DAZAP1: variants seen among roughly 807,000 people sequenced by gnomAD.
DAZAP1 encodes the protein DAZ-associated protein 1.
Under a neutral mutation model 60.1 loss-of-function variants are expected in DAZAP1, and 6 were observed. The observed-to-expected ratio is 0.10, with a 90% CI of 0.05 to 0.20. DAZAP1 has a LOEUF of 0.20. Among genes scored for constraint, DAZAP1 ranks in the 10% least tolerant of loss-of-function variants. The probability of loss-of-function intolerance (pLI) is 1.00; values close to 1 mark genes in which losing one functional copy is unlikely to be tolerated. For synonymous variants in DAZAP1, 235 were observed against 215.9 expected, an observed-to-expected ratio of 1.09 and a Z score of -0.78; for missense variants, 366 against 560.4, an observed-to-expected ratio of 0.65 and a Z score of 3.50.
At position 1,434,963 on chromosome 19, in the gene DAZAP1, T is replaced by C; in HGVS notation, c.*51T>C. ...GCCCAGACCCAGGATTCCAAACTTGTGAACTCGTGACAATCACAAACTTGG... is the reference window on the plus strand; with the variant it reads ...GCCCAGACCCAGGATTCCAAACTTGCGAACTCGTGACAATCACAAACTTGG... On this transcript the variant is annotated 3_prime_UTR_variant, in exon 12 of 12. Coordinates refer to ENST00000233078, the MANE Select transcript of DAZAP1 (RefSeq NM_018959.4). The surrounding 1 kb of genome is among the most constrained non-coding windows in gnomAD (Gnocchi z 8.0). 1 of 1,027,416 alleles carries C rather than the reference T, an allele frequency of 9.7e-7. No individual in the cohort carries two copies. The highest frequency in any genetic ancestry group is 3.4e-5 in the South Asian group (1 of 29,764). 63.6% of individuals were successfully genotyped at this position (1,027,416 alleles called of 1,614,324 possible).
intron 10 of DAZAP1, among the ~76,000 whole-genome samples, chr19:1,431,574 C>T (rs112824761): frequency 1.3e-5 from 2 of 152,084 alleles, no homozygotes; most frequent in Non-Finnish European, 2.9e-5. Context: ...GGATTACAGG[C>T]GTCTGCCACC....
chr19:1,431,968 C>T (rs2083463484), intron 10 of DAZAP1: 6 of 159,204 alleles, frequency 3.8e-5, no homozygotes, highest in Admixed American at 2.4e-4. Flanking sequence ...GTTCCATCCT[C>T]TGGCCTGGAT....
chr19:1,428,478 T>G lies in DAZAP1; in HGVS notation c.547-364T>G. The G allele has an allele frequency of 1.0e-5, 2 of 198,370 alleles. No homozygotes were observed. The highest frequency in any genetic ancestry group is 1.6e-4 in the East Asian group (1 of 6,434). The allele number at this position is 198,370 out of a possible 1,614,324, so 12.3% of individuals were successfully genotyped here. On this transcript the variant is annotated intron_variant, in intron 7 of 11. Coordinates refer to ENST00000233078, the MANE Select transcript of DAZAP1 (RefSeq NM_018959.4). The surrounding 1 kb of genome is among the most constrained non-coding windows in gnomAD (Gnocchi z 4.0). ...GATTGCTGGGAAGATCCTGGTCCCTTTTTGTCCCCATGTTTTCAAGAGGAA... is the reference window on the plus strand; with the variant it reads ...GATTGCTGGGAAGATCCTGGTCCCTGTTTGTCCCCATGTTTTCAAGAGGAA...
rs142092328 is a variant in DAZAP1 at position 1,412,679 on chromosome 19, G to A, written c.30-4821G>A. On this transcript the variant is annotated intron_variant, in intron 1 of 11. Coordinates refer to ENST00000233078, the MANE Select transcript of DAZAP1 (RefSeq NM_018959.4). ...GGAAGCCTCTGCAGATGGACTTTACGCATAAATACCGCACAGGCACCCGAA... is the reference window on the plus strand; with the variant it reads ...GGAAGCCTCTGCAGATGGACTTTACACATAAATACCGCACAGGCACCCGAA... 2.3e-3 allele frequency among the ~76,000 whole-genome samples: 345 copies of A among 152,318 alleles called. 4 individuals are homozygous for A. The highest frequency in any genetic ancestry group is 8.0e-3 in the African/African-American group (334 of 41,566).
Position 1,426,951 on chromosome 19 carries a change from A to C in DAZAP1, c.546+991A>C, listed in dbSNP as rs1411034349. On this transcript the variant is annotated intron_variant, in intron 7 of 11. Transcript: ENST00000233078. This position sits in a 1 kb window ranked among gnomAD's most constrained non-coding sequence, Gnocchi z 5.4. The stretch of plus-strand genomic sequence containing the variant: ...TCCTGGAGGGAGCATCGTGCTCATT[A>C]TCTCCTGCCCCTGCCCTCTACCCCA... 3.3e-5 allele frequency: 5 copies of C among 152,236 alleles called. No individual in the cohort carries two copies. The highest frequency in any genetic ancestry group is 1.2e-4 in the African/African-American group (5 of 41,446). 9.4% of individuals were successfully genotyped at this position (152,236 alleles called of 1,614,324 possible).
rs986056285 is a variant in DAZAP1 at position 1,428,332 on chromosome 19, T to C, written c.547-510T>C. On this transcript the variant is annotated intron_variant, in intron 7 of 11. Coordinates refer to ENST00000233078, the MANE Select transcript of DAZAP1 (RefSeq NM_018959.4). This position sits in a 1 kb window ranked among gnomAD's most constrained non-coding sequence, Gnocchi z 4.0. ...CGTTAGCCTGGGGAAGGTAAGTCTT[T>C]ATCTTCCATTAGACATTTTAAATTT... 1.3e-5 allele frequency: 2 copies of C among 152,690 alleles called. No homozygotes were observed. The highest frequency in any genetic ancestry group is 4.8e-5 in the African/African-American group (2 of 41,462). 9.5% of individuals were successfully genotyped at this position (152,690 alleles called of 1,614,324 possible).
In DAZAP1 at chr19:1,418,132, G is replaced by A; in HGVS notation, c.71-72G>A. On this transcript the variant is annotated intron_variant, in intron 2 of 11. Coordinates refer to ENST00000233078, the MANE Select transcript of DAZAP1 (RefSeq NM_018959.4). The surrounding 1 kb of genome is among the most constrained non-coding windows in gnomAD (Gnocchi z 5.7). The stretch of plus-strand genomic sequence containing the variant: ...GGTGGACTGGAGGAGTGTGCGTGCC[G>A]GCAGCACTGCCAGGCACGTGCCTAA... 6 of 1,515,976 alleles carry A rather than the reference G, an allele frequency of 4.0e-6. No homozygotes were observed. Among genetic ancestry groups the A allele is most frequent in the South Asian group, 1.2e-5 (1 of 86,258 alleles). 93.9% of individuals were successfully genotyped at this position (1,515,976 alleles called of 1,614,324 possible). A position where few individuals can be genotyped will look rare whatever the true frequency, so the allele number is the denominator to read the frequency against.
chr19:1,418,384 C>T lies in DAZAP1; in HGVS notation c.237+14C>T, dbSNP rs373925435. The T allele has an allele frequency of 2.1e-4, 340 of 1,609,560 alleles. No individual in the cohort carries two copies. Among genetic ancestry groups the T allele is most frequent in the Non-Finnish European group, 2.6e-4 (311 of 1,176,910 alleles). On this transcript the variant is annotated intron_variant, in intron 3 of 11. Transcript: ENST00000233078. The surrounding 1 kb of genome is among the most constrained non-coding windows in gnomAD (Gnocchi z 5.7). ...GATGGCCGAAACGTAAGTGCCCTTC[C>T]GGGAGCTCACACCCGCTCTCTGTCT... is the stretch of plus-strand genomic sequence containing the variant.
In DAZAP1 at chr19:1,433,603, C is replaced by A; in HGVS notation, c.1048+913C>A. 1.4e-6 allele frequency: 1 copy of A among 696,282 alleles called. No individual in the cohort carries two copies. Among genetic ancestry groups the A allele is most frequent in the South Asian group, 1.7e-5 (1 of 57,956 alleles). 43.1% of individuals were successfully genotyped at this position (696,282 alleles called of 1,614,324 possible). On this transcript the variant is annotated intron_variant, in intron 11 of 11. Transcript: ENST00000233078. This position sits in a 1 kb window ranked among gnomAD's most constrained non-coding sequence, Gnocchi z 6.1. ...GTTGCCGCATGTGTGGGTTCTTGAC[C>A]CACTCACCACCAAACCCTGGCGTGT...
rs560343219 is a variant in DAZAP1, at chr19:1,435,090, C to G, written c.*178C>G. ...TCTGGACTGAGGTTTTTAAATATTT[C>G]TTTCTCTAACCCATCAGCACAATAA... On this transcript the variant is annotated 3_prime_UTR_variant, in exon 12 of 12. Coordinates refer to ENST00000233078, the MANE Select transcript of DAZAP1 (RefSeq NM_018959.4). 4.5e-6 allele frequency: 2 copies of G among 442,056 alleles called. No homozygotes were observed. The highest frequency in any genetic ancestry group is 7.6e-6 in the Non-Finnish European group (2 of 263,414). The allele number at this position is 442,056 out of a possible 1,614,324, so 27.4% of individuals were successfully genotyped here.
intron 6 of DAZAP1, among the ~76,000 whole-genome samples, chr19:1,424,365 CTCCCCCTCCGTCT>C (rs1217605420): frequency 7.5e-6 from 1 of 133,592 alleles, no homozygotes; most frequent in Non-Finnish European, 1.6e-5. Flanking sequence ...CCCCTCCCCC[CTCCCCCTCCGTCT>C]GGTTGCAGAC....
intron 1 of DAZAP1, among the ~76,000 whole-genome samples, chr19:1,411,184 C>T (rs1358657388): frequency 3.9e-5 from 6 of 152,316 alleles, no homozygotes; most frequent in Admixed American, 1.3e-4. Context: ...GGGGCCGTGC[C>T]GGCCTTTCTG....
rs895912617 is a variant in DAZAP1 at position 1,421,088 on chromosome 19, G to A, written c.304-60G>A. ...CGGATTGGCCTTTATGTCCTCCGCA[G>A]CTCGCGGGAGGGTTTGGAGGGTTCC... On this transcript the variant is annotated intron_variant, in intron 4 of 11. Coordinates refer to ENST00000233078, the MANE Select transcript of DAZAP1 (RefSeq NM_018959.4). 3.3e-6 allele frequency: 5 copies of A among 1,521,092 alleles called. No individual in the cohort carries two copies. In the East Asian group the frequency reaches 1.1e-4, roughly 34 times the overall value. 94.2% of individuals were successfully genotyped at this position (1,521,092 alleles called of 1,614,324 possible). A position where few individuals can be genotyped will look rare whatever the true frequency, so the allele number is the denominator to read the frequency against.
chr19:1,409,828 ATGGGTC>A (rs1162136759), intron 1 of DAZAP1: 2 of 152,264 alleles, frequency 1.3e-5, no homozygotes, highest in Non-Finnish European at 2.9e-5. Context: ...TCAGGACGCC[ATGGGTC>A]TGCGGTGTCC....
chr19:1,414,813 A>G (rs1169816242), intron 1 of DAZAP1, among the ~76,000 whole-genome samples: 1 of 151,622 alleles, frequency 6.6e-6, no homozygotes, highest in African/African-American at 2.4e-5. Context: ...TTTATTTAAG[A>G]GTATTTTTTA....
intron 4 of DAZAP1, 40 bp from the exon 5 acceptor site, chr19:1,421,108 G>C (rs1351164928): frequency 6.3e-7 from 1 of 1,595,408 alleles, no homozygotes; most frequent in East Asian, 2.2e-5. Flanking sequence ...GGGTTTGGAG[G>C]GTTCCCGTGT....
At position 1,433,764 on chromosome 19, in the gene DAZAP1, G is replaced by A. The variant is rs373372445; in HGVS notation, c.1049-973G>A. ...GCCTGGGTTCCTATTCTCCAGCCCCGCCGGGCTGCGGCCCACACTTTGTTT... is the reference window on the plus strand; with the variant it reads ...GCCTGGGTTCCTATTCTCCAGCCCCACCGGGCTGCGGCCCACACTTTGTTT... On this transcript the variant is annotated intron_variant, in intron 11 of 11. Transcript: ENST00000233078. This position sits in a 1 kb window ranked among gnomAD's most constrained non-coding sequence, Gnocchi z 6.1. The A allele has an allele frequency of 2.6e-5, 42 of 1,613,938 alleles. No individual in the cohort carries two copies. Among genetic ancestry groups the A allele is most frequent in the South Asian group, 1.4e-4 (13 of 91,088 alleles).
chr19:1,412,214 G>A (rs145069256), intron 1 of DAZAP1, among the ~76,000 whole-genome samples: 13 of 152,180 alleles, frequency 8.5e-5, no homozygotes, highest in Admixed American at 2.0e-4. Flanking sequence ...TGGGCTGGAG[G>A]GGGGGCATCT....
Position 1,434,677 on chromosome 19 carries a change from C to T in DAZAP1, c.1049-60C>T. The T allele has an allele frequency of 6.3e-7, 1 of 1,588,150 alleles. No individual in the cohort carries two copies. Among genetic ancestry groups the T allele is most frequent in the Non-Finnish European group, 8.6e-7 (1 of 1,164,426 alleles). On this transcript the variant is annotated intron_variant, in intron 11 of 11. Transcript: ENST00000233078. The surrounding 1 kb of genome is among the most constrained non-coding windows in gnomAD (Gnocchi z 8.0). ...GCGGAGCTGTGTCCAGGTGGCCTCG[C>T]TCGACGGCAGTGCCAACCGCCCAGG...
Sources: allele counts gnomAD v4.1 joint callset (sites outside exome capture counted in the v4.1 genomes callset), GRCh38; gene constraint gnomAD v4.1.1; non-coding constraint Gnocchi (gnomAD v3.1); transcripts MANE v1.5; gene names NCBI Gene and HGNC (gene_info 2026-07-23, HGNC 2026-07-21).